The following NRG3 variants were observed in gnomAD, a reference collection of about 807,000 sequenced individuals.
NRG3 encodes neuregulin 3, also known as pro-neuregulin-3, membrane-bound isoform.
Under a neutral mutation model 66.9 loss-of-function variants are expected in NRG3, and 31 were observed. The ratio of observed to expected loss-of-function variants is 0.46; its 90% CI spans 0.35 to 0.63. NRG3 has a LOEUF of 0.63. Among genes scored for constraint, NRG3 ranks in the 20% least tolerant of loss-of-function variants. NRG3 has a pLI of 0.00. For synonymous variants in NRG3, 393 were observed against 359.4 expected (o/e 1.09, Z -1.06); for missense variants, 910 against 878.9 (o/e 1.04, Z -0.45).
At chr10:82,309,425 T>C (rs557427193) in intron 1 of NRG3, among the ~76,000 whole-genome samples, 72 of 151,972 alleles carry the variant, frequency 4.7e-4, no homozygotes, top group African/African-American at 1.7e-3. Context: ...CTAGTTACAT[T>C]GAGGGTGATT....
chr10:82,419,373 G>A (rs1476751239), intron 2 of NRG3, among the ~76,000 whole-genome samples: 1 of 152,052 alleles, frequency 6.6e-6, no homozygotes, highest in Admixed American at 6.6e-5. Context: ...GCTTAGGTTT[G>A]GAACAACACA....
At chr10:82,071,021 G>A (rs1425399606) in intron 1 of NRG3, among the ~76,000 whole-genome samples, 2 of 152,136 alleles carry the variant, frequency 1.3e-5, no homozygotes, top group African/African-American at 4.8e-5. Context: ...TTTAATAAAT[G>A]TAATGTCCAC....
chr10:82,892,665 C>A (rs1228899304), intron 4 of NRG3, among the ~76,000 whole-genome samples: 1 of 146,558 alleles, frequency 6.8e-6, no homozygotes, highest in East Asian at 2.0e-4. Flanking sequence ...TAACCTGTCT[C>A]AATAAATAAA....
intron 1 of NRG3, among the ~76,000 whole-genome samples, chr10:82,012,838 A>C (rs2061637298): frequency 6.6e-6 from 1 of 152,188 alleles, no homozygotes; most frequent in Admixed American, 6.5e-5. Flanking sequence ...ATCTGAGACC[A>C]CCTCAACTTA....
intron 1 of NRG3, among the ~76,000 whole-genome samples, chr10:82,172,430 A>G (rs1176944730): frequency 1.3e-5 from 2 of 152,186 alleles, no homozygotes; most frequent in Non-Finnish European, 2.9e-5. Context: ...AATGAACCCC[A>G]AACATGAAGA....
At chr10:82,803,544 T>G (rs1406250747) in intron 3 of NRG3, among the ~76,000 whole-genome samples, 1 of 152,020 alleles carries the variant, frequency 6.6e-6, no homozygotes, top group African/African-American at 2.4e-5. Context: ...ATTTTTCACC[T>G]TAAAGAGTTT....
intron 1 of NRG3, among the ~76,000 whole-genome samples, chr10:82,114,461 A>G (rs1465803749): frequency 6.6e-6 from 1 of 152,202 alleles, no homozygotes; most frequent in East Asian, 1.9e-4. Context: ...TGTGAGTCTC[A>G]GTTTATTAGC....
At chr10:82,545,021 G>A (rs748235961) in intron 2 of NRG3, among the ~76,000 whole-genome samples, 2 of 152,074 alleles carry the variant, frequency 1.3e-5, no homozygotes, top group African/African-American at 2.4e-5. Context: ...CTTAAGAGAT[G>A]CTGATATTGA....
intron 2 of NRG3, among the ~76,000 whole-genome samples, chr10:82,550,103 T>A (rs942792293): frequency 6.6e-5 from 10 of 152,192 alleles, no homozygotes; most frequent in African/African-American, 2.4e-4. Context: ...ACTGTGAGTT[T>A]CCTCTAGTTC....
chr10:81,945,641 G>A (rs181281890), intron 1 of NRG3, among the ~76,000 whole-genome samples: 1 of 152,238 alleles, frequency 6.6e-6, no homozygotes, highest in Non-Finnish European at 1.5e-5. Flanking sequence ...AGGGGATGGT[G>A]TTTTGGGTTG....
At chr10:81,936,544 A>G (rs554575965) in intron 1 of NRG3, among the ~76,000 whole-genome samples, 20 of 152,138 alleles carry the variant, frequency 1.3e-4, no homozygotes, top group African/African-American at 4.8e-4. Context: ...GGTTGTGTGT[A>G]CAGAAGTGAG....
intron 4 of NRG3, among the ~76,000 whole-genome samples, chr10:82,871,218 G>A (rs899965261): frequency 2.0e-5 from 3 of 151,306 alleles, no homozygotes; most frequent in African/African-American, 7.3e-5. Flanking sequence ...CTTTGTCAAA[G>A]ATCAGCTGAC....
chr10:82,457,826 A>G (rs991098798), intron 2 of NRG3, among the ~76,000 whole-genome samples: 2 of 152,208 alleles, frequency 1.3e-5, no homozygotes, highest in African/African-American at 4.8e-5. Flanking sequence ...TGGAAAGTTC[A>G]GGACAAATTT....
At chr10:82,561,376 G>A (rs2045030971) in intron 2 of NRG3, among the ~76,000 whole-genome samples, 1 of 152,138 alleles carries the variant, frequency 6.6e-6, no homozygotes, top group South Asian at 2.1e-4. Flanking sequence ...ATTTGGCCAG[G>A]CACCATGGCT....
intron 2 of NRG3, among the ~76,000 whole-genome samples, chr10:82,564,208 C>A (rs577368234): frequency 6.6e-6 from 1 of 152,080 alleles, no homozygotes; most frequent in Non-Finnish European, 1.5e-5. Context: ...TCCTTTCAAT[C>A]AGAAATGTAT....
At chr10:82,288,296 A>G (rs560641204) in intron 1 of NRG3, among the ~76,000 whole-genome samples, 1 of 152,310 alleles carries the variant, frequency 6.6e-6, no homozygotes, top group East Asian at 1.9e-4. Context: ...CTGAGTGGCT[A>G]TTATAATTCT....
At chr10:82,027,598 G>GAT (rs1349878047) in intron 1 of NRG3, among the ~76,000 whole-genome samples, 6 of 152,066 alleles carry the variant, frequency 3.9e-5, no homozygotes, top group Non-Finnish European at 5.9e-5. Context: ...ATGCTGCTTG[G>GAT]ATATTGGTGT....
chr10:82,694,714 T>C (rs1290578001), intron 2 of NRG3, among the ~76,000 whole-genome samples: 2 of 152,116 alleles, frequency 1.3e-5, no homozygotes, highest in Non-Finnish European at 2.9e-5. Context: ...AATTGTGCCA[T>C]TGCAACTCTA....
At chr10:82,963,403 G>C (rs540259100) in intron 6 of NRG3, among the ~76,000 whole-genome samples, 1 of 152,174 alleles carries the variant, frequency 6.6e-6, no homozygotes, top group African/African-American at 2.4e-5. Flanking sequence ...GCATTAGGCC[G>C]GGCGCGGTGG....
Sources: allele counts gnomAD v4.1 joint callset (sites outside exome capture counted in the v4.1 genomes callset), GRCh38; gene constraint gnomAD v4.1.1; transcripts MANE v1.5; gene names NCBI Gene and HGNC (gene_info 2026-07-23, HGNC 2026-07-21).